Variants in CLASP2 observed in about 807,000 individuals in gnomAD.
CLASP2 encodes the protein cytoplasmic linker associated protein 2.
CLASP2 carries 47 observed loss-of-function variants against 194.4 expected under a neutral mutation model. That is an observed-to-expected ratio of 0.24 (90% CI 0.19 to 0.31). CLASP2 has a LOEUF of 0.31. Ranked by LOEUF, CLASP2 falls within the 10% of genes least tolerant of loss-of-function variation. CLASP2 has a pLI of 1.00. For synonymous variants in CLASP2, 619 were observed against 633.5 expected (o/e 0.98, Z 0.34); for missense variants, 1,445 against 1,823.6 (o/e 0.79, Z 3.78).
At chr3:33,689,234 T>C (rs1243512909) in intron 3 of CLASP2, among the ~76,000 whole-genome samples, 2 of 151,878 alleles carry the variant, frequency 1.3e-5, no homozygotes, top group Non-Finnish European at 2.9e-5. Flanking sequence ...ACCTCAGGAA[T>C]GCTATTCCAT....
intron 35 of CLASP2, among the ~76,000 whole-genome samples, chr3:33,516,494 C>T (rs1207034862): frequency 6.6e-6 from 1 of 151,914 alleles, no homozygotes. Context: ...ATGGTGAAAC[C>T]CCATCTCTAC....
At chr3:33,668,479 TG>T (rs2086586461) in intron 6 of CLASP2, among the ~76,000 whole-genome samples, 1 of 152,284 alleles carries the variant, frequency 6.6e-6, no homozygotes, top group South Asian at 2.1e-4. Context: ...TTCAAATGAA[TG>T]TAATATTCAG....
intron 18 of CLASP2, chr3:33,602,717 C>T: frequency 1.5e-6 from 1 of 682,620 alleles, no homozygotes; most frequent in Admixed American, 2.2e-5. Flanking sequence ...ATTCTACAGG[C>T]AATCATGGAT....
At chr3:33,619,338 G>A (rs113052186) in intron 12 of CLASP2, among the ~76,000 whole-genome samples, 2 of 152,150 alleles carry the variant, frequency 1.3e-5, no homozygotes, top group African/African-American at 2.4e-5. Flanking sequence ...ATACATATAT[G>A]TACTCATATG....
chr3:33,539,336 T>C (rs2057929041), intron 32 of CLASP2, among the ~76,000 whole-genome samples: 1 of 151,994 alleles, frequency 6.6e-6, no homozygotes, highest in Non-Finnish European at 1.5e-5. Flanking sequence ...ATAAATAAAT[T>C]TTTTCTTTTT....
rs57940200 is a variant in CLASP2, at chr3:33,713,012, C to CAAAAAA, written c.195+4790_195+4795dup. ...GGGCGACAAGAGCAAAACTCCACCT[C>CAAAAAA]AAAAAAAAAAAAAAAAAAAAAAAAA... On this transcript the variant is annotated intron_variant, in intron 1 of 38. Transcript: ENST00000682230. Among the ~76,000 whole-genome samples the CAAAAAA allele has an allele frequency of 1.0e-3, 47 of 47,004 alleles. 1 individual carries two copies. Among genetic ancestry groups the CAAAAAA allele is most frequent in the African/African-American group, 2.3e-3 (30 of 12,836 alleles). 30.8% of individuals were successfully genotyped at this position (47,004 alleles called of 152,430 possible).
intron 1 of CLASP2, among the ~76,000 whole-genome samples, chr3:33,716,545 AAC>A (rs2093310361): frequency 6.6e-6 from 1 of 152,220 alleles, no homozygotes; most frequent in Non-Finnish European, 1.5e-5. Flanking sequence ...GTCTTTCTAC[AAC>A]AGTCTATGCT....
intron 12 of CLASP2, among the ~76,000 whole-genome samples, chr3:33,614,492 TAAG>T (rs1419516068): frequency 1.3e-5 from 2 of 152,134 alleles, no homozygotes; most frequent in African/African-American, 4.8e-5. Context: ...GTCCACTGTA[TAAG>T]AATAGTATTA....
chr3:33,645,559 C>T, intron 7 of CLASP2: 1 of 434,552 alleles, frequency 2.3e-6, no homozygotes, highest in Admixed American at 4.0e-5. Context: ...GGTAAAAATT[C>T]TCCATGCATC....
At chr3:33,539,639 A>C (rs745849854) in intron 32 of CLASP2, among the ~76,000 whole-genome samples, 1 of 151,892 alleles carries the variant, frequency 6.6e-6, no homozygotes, top group African/African-American at 2.4e-5. Context: ...CCAGCCCATA[A>C]ATAAAATTTT....
intron 6 of CLASP2, among the ~76,000 whole-genome samples, chr3:33,670,379 T>C (rs1262485438): frequency 1.3e-5 from 2 of 152,224 alleles, no homozygotes; most frequent in African/African-American, 2.4e-5. Context: ...TAGATTTGTA[T>C]ACTAATGATT....
chr3:33,599,804 G>A (rs116065941), intron 18 of CLASP2, among the ~76,000 whole-genome samples: 51 of 152,228 alleles, frequency 3.4e-4, no homozygotes, highest in African/African-American at 1.1e-3. Flanking sequence ...GGGTAAGAAG[G>A]AGAACATCCT....
intron 13 of CLASP2, among the ~76,000 whole-genome samples, chr3:33,609,291 A>G (rs114752615): frequency 0.065 from 9,921 of 152,144 alleles, 1,023 homozygotes; most frequent in African/African-American, 0.22. Flanking sequence ...AAAATAAATT[A>G]AATAAAATTT....
chr3:33,539,785 T>G (rs1048890343), intron 32 of CLASP2, among the ~76,000 whole-genome samples: 1 of 152,212 alleles, frequency 6.6e-6, no homozygotes, highest in African/African-American at 2.4e-5. Context: ...CTAAAATATT[T>G]ACTACCTGAC....
At chr3:33,508,644 A>T (rs1046683315) in intron 37 of CLASP2, among the ~76,000 whole-genome samples, 5 of 152,128 alleles carry the variant, frequency 3.3e-5, no homozygotes, top group Non-Finnish European at 5.9e-5. Context: ...TAATTTTGTA[A>T]GTCAATAATT....
chr3:33,554,209 A>G lies in CLASP2; in HGVS notation c.3010-2814T>C, dbSNP rs138334016. 6.9e-3 allele frequency among the ~76,000 whole-genome samples: 1,014 copies of G among 146,874 alleles called. 12 individuals carry two copies. The highest frequency in any genetic ancestry group is 0.023 in the African/African-American group (928 of 40,026). The stretch of plus-strand genomic sequence containing the variant: ...ACCACTGCGCTCCAGCCTGGGCAAC[A>G]GGAGCGAAACTGTCTCAAAAAAAAA... On this transcript the variant is annotated intron_variant, in intron 29 of 38. Coordinates refer to ENST00000682230, the MANE Select transcript of CLASP2 (RefSeq NM_001365631.1).
chr3:33,682,252 GA>G (rs980520472), intron 6 of CLASP2, among the ~76,000 whole-genome samples: 19 of 150,770 alleles, frequency 1.3e-4, no homozygotes, highest in African/African-American at 2.7e-4. Flanking sequence ...AGAATTATAT[GA>G]AAAAAAAACT....
intron 17 of CLASP2, among the ~76,000 whole-genome samples, chr3:33,603,657 CTG>C (rs2072915149): frequency 6.6e-6 from 1 of 152,120 alleles, no homozygotes; most frequent in Admixed American, 6.5e-5. Context: ...AAGTCTCGCT[CTG>C]TCACCCAGGC....
intron 14 of CLASP2, 50 bp from the exon 15 acceptor site, chr3:33,607,511 C>A: frequency 1.5e-6 from 2 of 1,336,042 alleles, no homozygotes; most frequent in South Asian, 2.7e-5. Context: ...GTATGTTTCA[C>A]CACAAATGGT....
Sources: allele counts gnomAD v4.1 joint callset (sites outside exome capture counted in the v4.1 genomes callset), GRCh38; gene constraint gnomAD v4.1.1; transcripts MANE v1.5; gene names NCBI Gene and HGNC (gene_info 2026-07-23, HGNC 2026-07-21).